Variants in DLG2 observed in about 807,000 individuals in gnomAD.
DLG2 encodes disks large homolog 2.
In DLG2, 45 loss-of-function variants were observed where a neutral mutation model predicts 132.5. The ratio of observed to expected loss-of-function variants is 0.34; its 90% CI spans 0.27 to 0.44. The LOEUF (loss-of-function observed/expected upper bound fraction) is 0.44. DLG2 is among the 20% of genes least tolerant of loss of function. The probability of loss-of-function intolerance (pLI) is 1.00; values close to 1 mark genes in which losing one functional copy is unlikely to be tolerated. For synonymous variants in DLG2, 424 were observed against 419.6 expected (o/e 1.01, Z -0.13); for missense variants, 1,045 against 1,196.9 (o/e 0.87, Z 1.87).
At chr11:84,979,485 G>T (rs950168243) in intron 6 of DLG2, among the ~76,000 whole-genome samples, 1 of 152,050 alleles carries the variant, frequency 6.6e-6, no homozygotes, top group East Asian at 1.9e-4. Flanking sequence ...CCATAAAAAA[G>T]GATGAGTTCA....
At chr11:84,637,324 G>A (rs115811683) in intron 6 of DLG2, among the ~76,000 whole-genome samples, 2 of 152,146 alleles carry the variant, frequency 1.3e-5, no homozygotes, top group African/African-American at 4.8e-5. Context: ...CCCACCACAC[G>A]ATGTGTATCT....
chr11:85,557,004 C>G (rs1200833170), intron 3 of DLG2, among the ~76,000 whole-genome samples: 1 of 151,834 alleles, frequency 6.6e-6, no homozygotes, highest in Non-Finnish European at 1.5e-5. Flanking sequence ...AAGTCATTAT[C>G]TCTCTTCACT....
intron 8 of DLG2, among the ~76,000 whole-genome samples, chr11:84,175,283 C>G (rs531698095): frequency 6.6e-6 from 1 of 152,200 alleles, no homozygotes; most frequent in Non-Finnish European, 1.5e-5. Context: ...ACATACTGTC[C>G]TCTTGCTCGG....
chr11:84,555,292 G>C (rs1201623529), intron 6 of DLG2, among the ~76,000 whole-genome samples: 1 of 151,712 alleles, frequency 6.6e-6, no homozygotes, highest in Admixed American at 6.6e-5. Flanking sequence ...CCCACTTCTG[G>C]GTATATATCC....
intron 18 of DLG2, among the ~76,000 whole-genome samples, chr11:83,647,315 T>G (rs2068527167): frequency 6.6e-6 from 1 of 151,912 alleles, no homozygotes; most frequent in Non-Finnish European, 1.5e-5. Flanking sequence ...AATACCTTCT[T>G]TTATATATGT....
At chr11:84,793,530 T>C (rs1463612158) in intron 6 of DLG2, among the ~76,000 whole-genome samples, 1 of 152,142 alleles carries the variant, frequency 6.6e-6, no homozygotes, top group Non-Finnish European at 1.5e-5. Flanking sequence ...TGTACTGAGG[T>C]CTATCTCTTT....
chr11:83,573,648 A>G (rs1252483131), intron 19 of DLG2, among the ~76,000 whole-genome samples: 2 of 152,214 alleles, frequency 1.3e-5, no homozygotes, highest in Non-Finnish European at 2.9e-5. Context: ...AGAAGAGTAG[A>G]TAATTGTCAA....
intron 7 of DLG2, among the ~76,000 whole-genome samples, chr11:84,338,192 A>C (rs930969299): frequency 3.9e-5 from 6 of 152,166 alleles, no homozygotes; most frequent in African/African-American, 1.4e-4. Context: ...ACCCACATGA[A>C]TCTAACTCCA....
At chr11:83,876,481 T>C (rs1176256975) in intron 15 of DLG2, among the ~76,000 whole-genome samples, 1 of 152,084 alleles carries the variant, frequency 6.6e-6, no homozygotes, top group Non-Finnish European at 1.5e-5. Context: ...AATAAAACAT[T>C]TTCTATTAAA....
chr11:85,109,859 T>C (rs1392657464), intron 6 of DLG2, among the ~76,000 whole-genome samples: 1 of 152,098 alleles, frequency 6.6e-6, no homozygotes, highest in Non-Finnish European at 1.5e-5. Flanking sequence ...TGTTAAAGAA[T>C]GATGAAGAGG....
intron 17 of DLG2, among the ~76,000 whole-genome samples, chr11:83,811,517 A>T (rs948926956): frequency 6.6e-6 from 1 of 152,074 alleles, no homozygotes; most frequent in Non-Finnish European, 1.5e-5. Context: ...TACAATTTCA[A>T]TTTTTTTCTA....
intron 6 of DLG2, among the ~76,000 whole-genome samples, chr11:85,030,201 G>A (rs535788918): frequency 6.6e-6 from 1 of 152,314 alleles, no homozygotes; most frequent in East Asian, 1.9e-4. Flanking sequence ...CCTTTTTAAA[G>A]ATGCACTCAT....
At chr11:83,768,374 TC>T (rs1414881570) in intron 18 of DLG2, among the ~76,000 whole-genome samples, 3 of 152,208 alleles carry the variant, frequency 2.0e-5, no homozygotes, top group African/African-American at 7.2e-5. Context: ...CCATTTGTGA[TC>T]CCCCAGATTT....
At chr11:84,825,021 C>T (rs983670410) in intron 6 of DLG2, among the ~76,000 whole-genome samples, 9 of 151,840 alleles carry the variant, frequency 5.9e-5, no homozygotes, top group Admixed American at 5.3e-4. Flanking sequence ...GTGTGAGAAA[C>T]ACTATTGAAA....
intron 6 of DLG2, among the ~76,000 whole-genome samples, chr11:85,014,869 G>T (rs1389678400): frequency 6.6e-6 from 1 of 152,114 alleles, no homozygotes; most frequent in Non-Finnish European, 1.5e-5. Flanking sequence ...CCAGATTTAT[G>T]ATCTCCAAGC....
intron 3 of DLG2, among the ~76,000 whole-genome samples, chr11:85,459,306 C>T (rs546892562): frequency 2.6e-5 from 4 of 152,304 alleles, no homozygotes; most frequent in Admixed American, 6.5e-5. Context: ...GTTCTACTGG[C>T]TCTGCTTGTT....
chr11:84,324,638 A>T lies in DLG2; in HGVS notation c.520-73347T>A, dbSNP rs148464646. ...GTAACTTACTTTGAGTAATATGGACATTTTAACAATATTATCTTTCAATCC... is the reference window on the plus strand; with the variant it reads ...GTAACTTACTTTGAGTAATATGGACTTTTTAACAATATTATCTTTCAATCC... On this transcript the variant is annotated intron_variant, in intron 7 of 27. Transcript: ENST00000376104. 5.0e-4 allele frequency among the ~76,000 whole-genome samples: 76 copies of T among 152,230 alleles called. No homozygotes were observed. The East Asian group carries it at 0.014, about 28-fold the overall frequency.
At chr11:83,663,543 C>A (rs958702030) in intron 18 of DLG2, among the ~76,000 whole-genome samples, 2 of 152,158 alleles carry the variant, frequency 1.3e-5, no homozygotes, top group Non-Finnish European at 2.9e-5. Context: ...AGCGTCATTG[C>A]AGATACAATG....
chr11:85,170,398 G>T (rs1476246336), intron 4 of DLG2, among the ~76,000 whole-genome samples: 1 of 152,164 alleles, frequency 6.6e-6, no homozygotes, highest in African/African-American at 2.4e-5. Context: ...TTTCATGCTT[G>T]CTTTGGGGAA....
Sources: allele counts gnomAD v4.1 joint callset (sites outside exome capture counted in the v4.1 genomes callset), GRCh38; gene constraint gnomAD v4.1.1; transcripts MANE v1.5; gene names NCBI Gene and HGNC (gene_info 2026-07-23, HGNC 2026-07-21).